ESF1: variants seen among roughly 807,000 people sequenced by gnomAD.
The protein encoded by ESF1 is ESF1 nucleolar pre-rRNA processing protein.
In ESF1, 58 loss-of-function variants were observed where a neutral mutation model predicts 92.0. The observed-to-expected ratio is 0.63, with a 90% confidence interval of 0.51 to 0.78. The LOEUF is 0.78. Among genes scored for constraint, ESF1 ranks in the 30% least tolerant of loss-of-function variants. The pLI is 0.00. For synonymous variants in ESF1, 321 were observed against 313.7 expected (o/e 1.02, Z -0.24); for missense variants, 922 against 989.1 (o/e 0.93, Z 0.91).
chr20:13,733,094 T>C (rs927115372), intron 10 of ESF1, among the ~76,000 whole-genome samples: 1 of 151,858 alleles, frequency 6.6e-6, no homozygotes, highest in Non-Finnish European at 1.5e-5. Context: ...TCCACCTAAT[T>C]TTTGCATTTT....
At chr20:13,767,072 TA>T in intron 7 of ESF1, 148 bp from the exon 8 acceptor site, 1 of 706,596 alleles carries the variant, frequency 1.4e-6, no homozygotes, top group Non-Finnish European at 2.3e-6. Context: ...ATATGATTAA[TA>T]AATAGTATCC....
At chr20:13,717,571 A>C (rs1033822779) in intron 12 of ESF1, 57 bp from the exon 13 acceptor site, 1 of 1,594,026 alleles carries the variant, frequency 6.3e-7, no homozygotes, top group Admixed American at 1.7e-5. Context: ...TCCACCCCCA[A>C]AAAGGAGTAT....
rs146100949 is a variant in ESF1, at chr20:13,737,724, G to C, written c.1829-3882C>G. The stretch of plus-strand genomic sequence containing the variant: ...GCTGGAGTGCAATGGTGCAATCTCT[G>C]CTCACTGCAACCTCCGCCTCCCAGA... On this transcript the variant is annotated intron_variant, in intron 9 of 13. Coordinates refer to ENST00000617257, the MANE Select transcript of ESF1 (RefSeq NM_001276380.2). 8.2e-4 allele frequency among the ~76,000 whole-genome samples: 125 copies of C among 152,250 alleles called. 1 individual carries two copies. Among genetic ancestry groups the C allele is most frequent in the African/African-American group, 2.9e-3 (119 of 41,548 alleles).
intron 9 of ESF1, 56 bp downstream of exon 9, chr20:13,759,635 AG>A: frequency 6.5e-7 from 1 of 1,543,182 alleles, no homozygotes; most frequent in Non-Finnish European, 8.6e-7. Context: ...CATATTTAAA[AG>A]GTACTCAACA....
intron 9 of ESF1, among the ~76,000 whole-genome samples, chr20:13,750,149 C>T (rs35361761): frequency 0.17 from 25,740 of 152,140 alleles, 2,810 homozygotes; most frequent in Non-Finnish European, 0.24. Context: ...CAGAAAATGG[C>T]AATATGGTCC....
In ESF1 at chr20:13,771,316, C is replaced by T. The variant is rs764173528; in HGVS notation, c.1403+15G>A. ...GTACTAAAAGATTAAATTGGTAATA[C>T]ATACACTGGATTACCTTAGATCTAT... On this transcript the variant is annotated intron_variant, in intron 6 of 13. Coordinates refer to ENST00000617257, the MANE Select transcript of ESF1 (RefSeq NM_001276380.2). The T allele has an allele frequency of 3.1e-6, 5 of 1,604,424 alleles. No homozygotes were observed. In the East Asian group the frequency reaches 8.9e-5, roughly 29 times the overall value.
chr20:13,772,708 T>C (rs1481650320), intron 4 of ESF1, 93 bp from the exon 5 acceptor site: 4 of 855,086 alleles, frequency 4.7e-6, no homozygotes, highest in Non-Finnish European at 7.7e-6. Context: ...AAGTCACAAC[T>C]TGACTCAATG....
intron 4 of ESF1, among the ~76,000 whole-genome samples, chr20:13,774,161 C>T (rs921209620): frequency 1.3e-5 from 2 of 151,986 alleles, no homozygotes; most frequent in African/African-American, 4.8e-5. Flanking sequence ...TATTGGTATC[C>T]TTTTTCTTAA....
chr20:13,771,510 T>C, intron 5 of ESF1, 27 bp from the exon 6 acceptor site: 1 of 1,571,078 alleles, frequency 6.4e-7, no homozygotes, highest in Non-Finnish European at 8.6e-7. Flanking sequence ...TTATTAAGCA[T>C]ACTTATACAG....
chr20:13,755,684 T>A (rs936384193), intron 9 of ESF1, among the ~76,000 whole-genome samples: 1 of 152,226 alleles, frequency 6.6e-6, no homozygotes, highest in Non-Finnish European at 1.5e-5. Context: ...TCCTAATTAA[T>A]AAAATTGTAT....
chr20:13,771,454 T>C lies in ESF1; in HGVS notation c.1280A>G (p.Gln427Arg). ...ATAATAGTACTTCAGTCGTTTGAATTGATAATCTCTCAATTTTTCTCTAGA... is the reference window on the plus strand; with the variant it reads ...ATAATAGTACTTCAGTCGTTTGAATCGATAATCTCTCAATTTTTCTCTAGA... Reference protein sequence around the residue: ...WTSREKLRDYQFKRLKYYYAV... With the variant: ...WTSREKLRDYRFKRLKYYYAV... Residue 427 changes from glutamine (Q) to arginine (R), a missense_variant, in exon 6 of 14, where the codon CAA becomes CGA. Coordinates refer to ENST00000617257, the MANE Select transcript of ESF1 (RefSeq NM_001276380.2). 1 of 1,613,164 alleles carries C rather than the reference T, an allele frequency of 6.2e-7. No individual in the cohort carries two copies. The highest frequency in any genetic ancestry group is 8.5e-7 in the Non-Finnish European group (1 of 1,179,496).
intron 8 of ESF1, among the ~76,000 whole-genome samples, chr20:13,760,393 G>A (rs1239367614): frequency 9.8e-5 from 14 of 143,542 alleles, no homozygotes; most frequent in African/African-American, 3.2e-4. Context: ...TGTGGGGAGC[G>A]CCTCTGCCCT....
intron 11 of ESF1, among the ~76,000 whole-genome samples, chr20:13,723,433 T>A (rs1039562468): frequency 6.6e-6 from 1 of 151,740 alleles, no homozygotes; most frequent in African/African-American, 2.4e-5. Flanking sequence ...TTCTACCAGC[T>A]ACCACTGGAA....
chr20:13,784,522 G>A (rs145451986), intron 1 of ESF1, among the ~76,000 whole-genome samples: 2,263 of 152,172 alleles, frequency 0.015, 40 homozygotes, highest in Middle Eastern at 0.045. Context: ...CAGATAATCC[G>A]AGAGAGGGGA....
rs959377339 is a variant in ESF1, at chr20:13,749,074, A to AT, written c.1828+10617dup. Reference sequence around the variant, plus strand: ...CAGAGACAGACTTCCAATTATTATTATTTTTTTTTGAGATGGAGTCTTGCT... The same window carrying AT: ...CAGAGACAGACTTCCAATTATTATTATTTTTTTTTTGAGATGGAGTCTTGCT... On this transcript the variant is annotated intron_variant, in intron 9 of 13. Coordinates refer to ENST00000617257, the MANE Select transcript of ESF1 (RefSeq NM_001276380.2). Among the ~76,000 whole-genome samples the AT allele has an allele frequency of 1.1e-4, 17 of 148,420 alleles. No homozygotes were observed. In the East Asian group the frequency reaches 1.4e-3, roughly 12 times the overall value.
At chr20:13,747,404 C>CA (rs1228548436) in intron 9 of ESF1, among the ~76,000 whole-genome samples, 3 of 151,722 alleles carry the variant, frequency 2.0e-5, no homozygotes, top group African/African-American at 4.8e-5. Context: ...ACTAAAAATA[C>CA]AAAAATTAGC....
At chr20:13,751,592 T>C (rs1182116448) in intron 9 of ESF1, among the ~76,000 whole-genome samples, 2 of 152,204 alleles carry the variant, frequency 1.3e-5, no homozygotes, top group Admixed American at 6.5e-5. Flanking sequence ...ACCAGATCAA[T>C]TAACCTGAAA....
intron 9 of ESF1, among the ~76,000 whole-genome samples, chr20:13,747,528 G>A (rs1002796059): frequency 6.6e-6 from 1 of 150,914 alleles, no homozygotes; most frequent in Non-Finnish European, 1.5e-5. Flanking sequence ...TGGCACCACT[G>A]CACTGCAGCC....
At chr20:13,753,064 T>C (rs1312035773) in intron 9 of ESF1, among the ~76,000 whole-genome samples, 1 of 152,156 alleles carries the variant, frequency 6.6e-6, no homozygotes, top group Non-Finnish European at 1.5e-5. Flanking sequence ...TTCACATCCC[T>C]ACCACTATGA....
Sources: allele counts gnomAD v4.1 joint callset (sites outside exome capture counted in the v4.1 genomes callset), GRCh38; gene constraint gnomAD v4.1.1; transcripts MANE v1.5; gene names NCBI Gene and HGNC (gene_info 2026-07-23, HGNC 2026-07-21).